Variants in PTPN14 observed in about 807,000 individuals in gnomAD.
PTPN14 encodes protein tyrosine phosphatase non-receptor type 14.
In PTPN14, 53 loss-of-function variants were observed where a neutral mutation model predicts 126.8. That is an observed-to-expected ratio of 0.42 (90% CI 0.34 to 0.53). The LOEUF is 0.53. Among genes scored for constraint, PTPN14 ranks in the 20% least tolerant of loss-of-function variants. The pLI is 0.08. For synonymous variants in PTPN14, 630 were observed against 599.3 expected (o/e 1.05, Z -0.75); for missense variants, 1,257 against 1,552.9 (o/e 0.81, Z 3.20).
At chr1:214,486,709 G>T (rs2102412599) in intron 1 of PTPN14, among the ~76,000 whole-genome samples, 1 of 152,282 alleles carries the variant, frequency 6.6e-6, no homozygotes, top group Middle Eastern at 3.4e-3. Flanking sequence ...CACACACCCA[G>T]GGGCATTTGC....
intron 1 of PTPN14, among the ~76,000 whole-genome samples, chr1:214,539,391 C>A (rs947044693): frequency 3.3e-5 from 5 of 152,070 alleles, no homozygotes; most frequent in African/African-American, 1.2e-4. Flanking sequence ...TGAGCTCAGT[C>A]ACTATTATAG....
At chr1:214,494,712 T>C (rs1267158059) in intron 1 of PTPN14, among the ~76,000 whole-genome samples, 1 of 152,212 alleles carries the variant, frequency 6.6e-6, no homozygotes, top group Admixed American at 6.5e-5. Flanking sequence ...ACAAAATGTT[T>C]GGACGTCTAA....
At position 214,383,586 on chromosome 1, in the gene PTPN14, T is replaced by C; in HGVS notation, c.2269A>G (p.Lys757Glu). Reference protein sequence around the residue: ...KPPPEYPGPRKSVSNGALRQD... With the variant: ...KPPPEYPGPRESVSNGALRQD... ...CTCAGAGCCCCATTGCTCACACTCT[T>C]CCTTGGACCGGGGTACTCAGGCGGG... The change falls in exon 13 of 19, where the codon AAG becomes GAG. Residue 757 changes from lysine (K) to glutamate (E), a missense_variant. Lys to Glu is a moderately conservative substitution (Grantham distance 56, BLOSUM62 1). Around this residue, in one of 3 missense-constraint regions of PTPN14, gnomAD observed 1,021 missense variants for 1,183.3 expected, o/e 0.86. Transcript: ENST00000366956. This position sits in a 1 kb window ranked among gnomAD's most constrained non-coding sequence, Gnocchi z 4.4. 4 of 1,613,656 alleles carry C rather than the reference T, an allele frequency of 2.5e-6. No individual in the cohort carries two copies. Among genetic ancestry groups the C allele is most frequent in the Non-Finnish European group, 3.4e-6 (4 of 1,179,948 alleles).
intron 3 of PTPN14, among the ~76,000 whole-genome samples, chr1:214,444,201 T>C (rs538756294): frequency 2.4e-4 from 36 of 152,348 alleles, no homozygotes; most frequent in African/African-American, 8.2e-4. Flanking sequence ...ACATTGTACA[T>C]TACATTAACC....
At chr1:214,435,287 A>T (rs1219510943) in intron 3 of PTPN14, among the ~76,000 whole-genome samples, 1 of 151,926 alleles carries the variant, frequency 6.6e-6, no homozygotes, top group African/African-American at 2.4e-5. Flanking sequence ...GATAAAATGC[A>T]AGTATCACAG....
chr1:214,455,837 T>C (rs894536329), intron 2 of PTPN14, among the ~76,000 whole-genome samples: 1 of 152,172 alleles, frequency 6.6e-6, no homozygotes, highest in Non-Finnish European at 1.5e-5. Flanking sequence ...CGTCAAAATG[T>C]CCATCTTTTG....
At chr1:214,533,244 G>C (rs545215647) in intron 1 of PTPN14, 1 of 641,532 alleles carries the variant, frequency 1.6e-6, no homozygotes, top group African/African-American at 1.8e-5. Flanking sequence ...AGGAAGAGGC[G>C]CAACACCAAG....
Position 214,383,823 on chromosome 1 carries a change from C to G in PTPN14, c.2032G>C (p.Glu678Gln), listed in dbSNP as rs759897774. ...RNTLREQGPP[E>Q]EGSGSHEVPQ... The stretch of plus-strand genomic sequence containing the variant: ...ACCTCGTGGCTGCCTGACCCCTCCT[C>G]GGGCGGTCCCTGCTCCCGGAGCGTG... The change falls in exon 13 of 19, where the codon GAG becomes CAG. Residue 678 changes from glutamate to glutamine, a missense_variant. This residue lies in a region of PTPN14 where 1,021 missense variants were observed against 1,183.3 expected (regional missense o/e 0.86). Coordinates refer to ENST00000366956, the MANE Select transcript of PTPN14 (RefSeq NM_005401.5). The surrounding 1 kb of genome is among the most constrained non-coding windows in gnomAD (Gnocchi z 4.4). 6.2e-7 allele frequency: 1 copy of G among 1,612,496 alleles called. No homozygotes were observed. The highest frequency in any genetic ancestry group is 8.5e-7 in the Non-Finnish European group (1 of 1,179,998).
At chr1:214,451,440 TTA>T (rs1296767858) in intron 3 of PTPN14, among the ~76,000 whole-genome samples, 6 of 152,158 alleles carry the variant, frequency 3.9e-5, no homozygotes, top group African/African-American at 1.4e-4. Context: ...AGTGTTGATA[TTA>T]CAGGTATGAG....
chr1:214,442,678 G>T (rs918217811), intron 3 of PTPN14, among the ~76,000 whole-genome samples: 1 of 152,164 alleles, frequency 6.6e-6, no homozygotes, highest in Non-Finnish European at 1.5e-5. Flanking sequence ...TCCCTAAAGG[G>T]AAAGAATATC....
intron 1 of PTPN14, among the ~76,000 whole-genome samples, chr1:214,503,924 C>T (rs956006801): frequency 6.6e-6 from 1 of 152,204 alleles, no homozygotes; most frequent in African/African-American, 2.4e-5. Flanking sequence ...GCAAATGATG[C>T]TTCTTGGGAC....
chr1:214,396,779 G>A (rs781141138), intron 8 of PTPN14, among the ~76,000 whole-genome samples: 11 of 152,178 alleles, frequency 7.2e-5, no homozygotes, highest in Non-Finnish European at 1.3e-4. Context: ...TCTCTGCTGT[G>A]CTGTAGGTTC....
chr1:214,388,312 T>C (rs753799183), intron 11 of PTPN14, among the ~76,000 whole-genome samples: 2 of 152,228 alleles, frequency 1.3e-5, no homozygotes, highest in African/African-American at 2.4e-5. Flanking sequence ...AAGAATTTGT[T>C]TGAAATAAGA....
Position 214,353,425 on chromosome 1 carries a change from T to C in PTPN14, c.*4497A>G, listed in dbSNP as rs960826527. 7 of 152,246 alleles carry C rather than the reference T, an allele frequency of 4.6e-5. No homozygotes were observed. The highest frequency in any genetic ancestry group is 1.3e-4 in the Admixed American group (2 of 15,288). The allele number at this position is 152,246 out of a possible 1,614,324, so 9.4% of individuals were successfully genotyped here. A position where few individuals can be genotyped will look rare whatever the true frequency, so the allele number is the denominator to read the frequency against. On this transcript the variant is annotated 3_prime_UTR_variant, in exon 19 of 19. Transcript: ENST00000366956. ...GGTTTCCCCTCTTCCCCAAATATTT[T>C]TCAATCTGTACTTGGTTGAATATAG...
At chr1:214,458,798 G>C (rs1163440691) in intron 2 of PTPN14, among the ~76,000 whole-genome samples, 2 of 152,092 alleles carry the variant, frequency 1.3e-5, no homozygotes, top group Non-Finnish European at 2.9e-5. Flanking sequence ...ACCTAGGCTA[G>C]TTATTTTCAA....
In PTPN14 at chr1:214,384,521, T is replaced by C; in HGVS notation, c.1334A>G (p.Tyr445Cys). Residue 445 changes from tyrosine (Y) to cysteine (C), a missense_variant, in exon 13 of 19, where the codon TAT becomes TGT. Coordinates refer to ENST00000366956, the MANE Select transcript of PTPN14 (RefSeq NM_005401.5). This position sits in a 1 kb window ranked among gnomAD's most constrained non-coding sequence, Gnocchi z 5.3. Reference sequence around the variant, plus strand: ...CTTCATCTGGCGCATGACTGTCTCATAATCGGGGGTTGGCCTGTACGAGGG... The same window carrying C: ...CTTCATCTGGCGCATGACTGTCTCACAATCGGGGGTTGGCCTGTACGAGGG... ...IVPSYRPTPD[Y>C]ETVMRQMKRG... 1.2e-6 allele frequency: 2 copies of C among 1,614,122 alleles called. No individual in the cohort carries two copies. Among genetic ancestry groups the C allele is most frequent in the Non-Finnish European group, 1.7e-6 (2 of 1,180,018 alleles).
At chr1:214,388,641 C>T (rs1045109581) in intron 11 of PTPN14, among the ~76,000 whole-genome samples, 2 of 152,132 alleles carry the variant, frequency 1.3e-5, no homozygotes, top group Non-Finnish European at 2.9e-5. Context: ...CTCTTGACCT[C>T]AAGTGATCCA....
intron 3 of PTPN14, among the ~76,000 whole-genome samples, chr1:214,435,673 A>C (rs538292461): frequency 6.6e-6 from 1 of 152,332 alleles, no homozygotes; most frequent in African/African-American, 2.4e-5. Context: ...ATCATTACAG[A>C]AATGCAAATC....
chr1:214,534,384 C>A (rs1009974334), intron 1 of PTPN14, among the ~76,000 whole-genome samples: 1 of 152,124 alleles, frequency 6.6e-6, no homozygotes, highest in Non-Finnish European at 1.5e-5. Flanking sequence ...TATCAAGCCA[C>A]AAGAGAATGG....
Sources: gnomAD v4.1 joint callset for allele counts (sites outside exome capture counted in the v4.1 genomes callset) on GRCh38, gnomAD v4.1.1 for gene constraint, gnomAD v4.1.1 regional missense constraint, Gnocchi (gnomAD v3.1) non-coding constraint, MANE v1.5 for transcripts, NCBI Gene and HGNC (gene_info 2026-07-23, HGNC 2026-07-21) for gene names.